Variants in ZMIZ1 observed in about 807,000 individuals in gnomAD.
The protein encoded by ZMIZ1 is zinc finger MIZ domain-containing protein 1.
A neutral mutation model predicts 113.9 loss-of-function variants in ZMIZ1; 17 were observed. That is an observed-to-expected ratio of 0.15 (90% CI 0.10 to 0.22). The LOEUF (loss-of-function observed/expected upper bound fraction) is 0.22, where lower values mean the gene tolerates loss of function less well. Ranked by LOEUF, ZMIZ1 falls within the 10% of genes least tolerant of loss-of-function variation. The pLI is 1.00. For missense variants in ZMIZ1, 1,059 were observed against 1,477.8 expected (o/e 0.72, Z 4.65); for synonymous variants, 607 against 603.1 (o/e 1.01, Z -0.09).
intron 5 of ZMIZ1, among the ~76,000 whole-genome samples, chr10:79,202,152 G>C (rs567187046): frequency 8.5e-6 from 1 of 117,130 alleles, no homozygotes; most frequent in Non-Finnish European, 1.6e-5. Context: ...AAGATTGTTC[G>C]AGCCCAGCCT....
In ZMIZ1 at chr10:79,312,754, C is replaced by T; in HGVS notation, c.*5C>T. 1 of 1,613,668 alleles carries T rather than the reference C, an allele frequency of 6.2e-7. No individual in the cohort carries two copies. The highest frequency in any genetic ancestry group is 8.5e-7 in the Non-Finnish European group (1 of 1,179,520). On this transcript the variant is annotated 3_prime_UTR_variant, in exon 25 of 25. Coordinates refer to ENST00000334512, the MANE Select transcript of ZMIZ1 (RefSeq NM_020338.4). ...TCTCTATTTGAGAACAACTGAGGGC[C>T]ACCCGGTCGGGGCCATCCCTCCACA... is the stretch of plus-strand genomic sequence containing the variant.
At chr10:79,253,995 A>AATTTTT (rs908869430) in intron 7 of ZMIZ1, among the ~76,000 whole-genome samples, 1 of 152,180 alleles carries the variant, frequency 6.6e-6, no homozygotes, top group African/African-American at 2.4e-5. Flanking sequence ...TTGTAGCTTA[A>AATTTTT]ATTTTTATTT....
chr10:79,284,881 C>T (rs1010387110), intron 8 of ZMIZ1, among the ~76,000 whole-genome samples: 4 of 152,246 alleles, frequency 2.6e-5, no homozygotes, highest in East Asian at 1.9e-4. Flanking sequence ...CTAAAGCAGA[C>T]GATTTAGTGT....
Position 79,298,505 on chromosome 10 carries a change from T to A in ZMIZ1, c.1591T>A (p.Ser531Thr). 2 of 1,601,344 alleles carry A rather than the reference T, an allele frequency of 1.2e-6. No homozygotes were observed. Among genetic ancestry groups the A allele is most frequent in the Non-Finnish European group, 1.7e-6 (2 of 1,174,622 alleles). ...TGGGAGCAGCATCCCTCCATACCTG[T>A]CCCCCAGCCAAGACGTCAAACCACC... ...TPGSSIPPYL[S>T]PSQDVKPPFP... The change falls in exon 15 of 25, where the codon TCC becomes ACC. Residue 531 changes from serine (S) to threonine (T), a missense_variant. Physicochemically the swap from Ser to Thr is moderately conservative, Grantham distance 58. This residue lies in a region of ZMIZ1 where 239 missense variants were observed against 247.5 expected (regional missense o/e 0.97). Transcript: ENST00000334512.
At chr10:79,075,561 A>G (rs868106443) in intron 1 of ZMIZ1, among the ~76,000 whole-genome samples, 3 of 72,930 alleles carry the variant, frequency 4.1e-5, no homozygotes, top group African/African-American at 1.2e-4. Context: ...ACACAGCTGC[A>G]CACACATGCA....
intron 5 of ZMIZ1, 70 bp downstream of exon 5, chr10:79,201,762 T>A (rs2802371): frequency 1.3e-6 from 2 of 1,570,006 alleles, no homozygotes; most frequent in South Asian, 1.1e-5. Flanking sequence ...GGGCATCTGG[T>A]GGGTTCTGGC....
Position 79,307,550 on chromosome 10 carries a change from C to T in ZMIZ1, c.2814C>T (p.Leu938=), listed in dbSNP as rs964158029. Residue 938 remains leucine (L), a synonymous_variant, in exon 23 of 25, where the codon CTC becomes CTT. Coordinates refer to ENST00000334512, the MANE Select transcript of ZMIZ1 (RefSeq NM_020338.4). ...ACATGGCCGCCCTCGAGAAACCCCT[C>T]AGCCACCCCATGCAGGAAACTGTGA... ...PNNMAALEKP[L]SHPMQETMPH... is the part of the protein sequence containing the mutation. The T allele has an allele frequency of 6.2e-7, 1 of 1,612,420 alleles. No homozygotes were observed. Among genetic ancestry groups the T allele is most frequent in the Non-Finnish European group, 8.5e-7 (1 of 1,179,360 alleles).
chr10:79,274,501 ACTC>A (rs1220290966), intron 7 of ZMIZ1, among the ~76,000 whole-genome samples: 1 of 151,662 alleles, frequency 6.6e-6, no homozygotes, highest in East Asian at 1.9e-4. Context: ...CAGTGCCCAG[ACTC>A]TCTTTTTGGC....
chr10:79,186,889 C>T (rs1409872877), intron 4 of ZMIZ1, among the ~76,000 whole-genome samples: 1 of 152,246 alleles, frequency 6.6e-6, no homozygotes, highest in Non-Finnish European at 1.5e-5. Context: ...GCTTTCCCTG[C>T]CCACTCTCTT....
At chr10:79,165,803 T>C (rs1299999698) in intron 4 of ZMIZ1, among the ~76,000 whole-genome samples, 1 of 152,172 alleles carries the variant, frequency 6.6e-6, no homozygotes, top group Non-Finnish European at 1.5e-5. Flanking sequence ...CCTGAGCCTC[T>C]GGCCTGAAGT....
chr10:79,282,367 AGGT>A (rs1852792343), intron 8 of ZMIZ1, among the ~76,000 whole-genome samples: 3 of 152,204 alleles, frequency 2.0e-5, no homozygotes, highest in Non-Finnish European at 4.4e-5. Context: ...TGATGCCCGC[AGGT>A]ATCTGGCTGT....
chr10:79,079,284 G>A (rs759519078), intron 1 of ZMIZ1, among the ~76,000 whole-genome samples: 15 of 152,200 alleles, frequency 9.9e-5, no homozygotes, highest in Non-Finnish European at 2.2e-4. Context: ...TCACCCATGG[G>A]GGCTGTGGGC....
intron 7 of ZMIZ1, chr10:79,243,728 G>A: frequency 1.0e-5 from 3 of 288,370 alleles, no homozygotes; most frequent in South Asian, 7.5e-5. Context: ...CGCGACCGGT[G>A]CAACTTCTAG....
intron 7 of ZMIZ1, among the ~76,000 whole-genome samples, chr10:79,254,548 AT>A (rs1374566223): frequency 2.6e-5 from 4 of 152,220 alleles, no homozygotes; most frequent in Non-Finnish European, 5.9e-5. Flanking sequence ...GCTGGTCTCT[AT>A]TCACTGCTAA....
chr10:79,073,156 G>T (rs1842350435), intron 1 of ZMIZ1, among the ~76,000 whole-genome samples: 1 of 152,128 alleles, frequency 6.6e-6, no homozygotes, highest in African/African-American at 2.4e-5. Flanking sequence ...ATCTGTGTTG[G>T]GCCAGTAACT....
rs548080965 is a variant in ZMIZ1 at position 79,211,787 on chromosome 10, C to T, written c.174+3338C>T. On this transcript the variant is annotated intron_variant, in intron 6 of 24. Coordinates refer to ENST00000334512, the MANE Select transcript of ZMIZ1 (RefSeq NM_020338.4). ...CATCAGAAGCAGGCCCTTCCTCCTC[C>T]AGTAGTCGGGCAGAGCAGCCCCTCT... Among the ~76,000 whole-genome samples, 208 of 152,358 alleles carry T rather than the reference C, an allele frequency of 1.4e-3. 4 individuals carry two copies. The highest frequency in any genetic ancestry group is 2.5e-3 in the Non-Finnish European group (172 of 68,032).
intron 3 of ZMIZ1, 148 bp from the exon 4 acceptor site, chr10:79,161,905 G>T (rs999110505): frequency 7.5e-6 from 3 of 397,850 alleles, no homozygotes; most frequent in African/African-American, 4.1e-5. Context: ...GGAGTCAGGG[G>T]CCTGTTTATG....
chr10:79,243,273 C>T (rs2132844364), intron 7 of ZMIZ1, among the ~76,000 whole-genome samples: 1 of 150,376 alleles, frequency 6.6e-6, no homozygotes, highest in East Asian at 2.0e-4. Context: ...CGCCCCCGCC[C>T]CCCGCGCGCC....
intron 2 of ZMIZ1, among the ~76,000 whole-genome samples, chr10:79,124,101 T>C (rs1844415827): frequency 6.6e-6 from 1 of 152,178 alleles, no homozygotes; most frequent in Admixed American, 6.5e-5. Flanking sequence ...AGGATGCCCC[T>C]CTAGGTCAGG....
Sources: allele counts gnomAD v4.1 joint callset (sites outside exome capture counted in the v4.1 genomes callset), GRCh38; gene constraint gnomAD v4.1.1; regional missense constraint gnomAD v4.1.1; transcripts MANE v1.5; gene names NCBI Gene and HGNC (gene_info 2026-07-23, HGNC 2026-07-21).